CCDC144A: variants seen among roughly 807,000 people sequenced by gnomAD.
The protein encoded by CCDC144A is coiled-coil domain-containing protein 144A.
CCDC144A carries 41 observed loss-of-function variants against 143.8 expected under a neutral mutation model. The ratio of observed to expected loss-of-function variants is 0.29; its 90% CI spans 0.22 to 0.37. The LOEUF is 0.37. CCDC144A is among the 10% of genes least tolerant of loss of function. The probability of loss-of-function intolerance (pLI) is 1.00; values close to 1 mark genes in which losing one functional copy is unlikely to be tolerated. For synonymous variants in CCDC144A, 242 were observed against 517.9 expected (o/e 0.47, Z 7.23); for missense variants, 637 against 1,488.8 (o/e 0.43, Z 9.41).
rs1915960671 is a variant in CCDC144A at position 16,775,097 on chromosome 17, T to G, written c.*1464T>G. 6.6e-6 allele frequency: 1 copy of G among 152,134 alleles called. No individual in the cohort carries two copies. Among genetic ancestry groups the G allele is most frequent in the Non-Finnish European group, 1.5e-5 (1 of 68,044 alleles). The allele number at this position is 152,134 out of a possible 1,614,324, so 9.4% of individuals were successfully genotyped here. On this transcript the variant is annotated 3_prime_UTR_variant, in exon 17 of 17. Transcript: ENST00000399273. ...ATGGTGTATATGTACCACATTTTCT[T>G]TATCCAGTTTATCATTGATGGGCTT... is the stretch of plus-strand genomic sequence containing the variant.
rs548890600 is a variant in CCDC144A at position 16,722,248 on chromosome 17, TCAAA to T, written c.1891+1596_1891+1599del. Among the ~76,000 whole-genome samples the T allele has an allele frequency of 1.9e-3, 289 of 152,328 alleles. 1 individual carries two copies. Among genetic ancestry groups the T allele is most frequent in the African/African-American group, 6.5e-3 (270 of 41,586 alleles). On this transcript the variant is annotated intron_variant, in intron 8 of 16. Transcript: ENST00000399273. ...TGTGGTGAATACTTATATTTTACTG[TCAAA>T]CAAACCGTGTATTTAGGGATAAACC...
chr17:16,683,680 A>G, the CCDC144A span: 9 of 1,602,080 alleles, frequency 5.6e-6, no homozygotes, highest in Non-Finnish European at 6.8e-6. Flanking sequence ...TCAGAAGGGC[A>G]GGAAAATCAA....
chr17:16,707,397 T>C, intron 3 of CCDC144A, 72 bp from the exon 4 acceptor site: 1 of 785,518 alleles, frequency 1.3e-6, no homozygotes, highest in East Asian at 3.0e-5. Context: ...TAATTTAAAA[T>C]CTATTTTTAT....
chr17:16,706,436 T>C (rs1372257533), intron 3 of CCDC144A: 3 of 142,936 alleles, frequency 2.1e-5, no homozygotes, highest in Non-Finnish European at 4.5e-5. Context: ...TTCCCCTGTG[T>C]GCCCTTTCTC....
intron 12 of CCDC144A, among the ~76,000 whole-genome samples, chr17:16,736,529 G>T (rs1290912226): frequency 6.6e-6 from 1 of 150,820 alleles, no homozygotes; most frequent in Non-Finnish European, 1.5e-5. Context: ...TTTTTACAAA[G>T]AATTTGCTCA....
At chr17:16,740,649 A>T (rs1914215812) in intron 12 of CCDC144A, among the ~76,000 whole-genome samples, 3 of 152,122 alleles carry the variant, frequency 2.0e-5, no homozygotes, top group South Asian at 4.1e-4. Context: ...CTCAAAGGAC[A>T]CTACATTTTT....
chr17:16,700,555 CCTTT>C (rs1437268776), intron 2 of CCDC144A, among the ~76,000 whole-genome samples: 3 of 152,120 alleles, frequency 2.0e-5, no homozygotes, highest in East Asian at 3.9e-4. Context: ...TGCAAGCAAG[CCTTT>C]CTAAGGATGG....
At chr17:16,701,025 A>G (rs1189904269) in intron 2 of CCDC144A, among the ~76,000 whole-genome samples, 1 of 152,200 alleles carries the variant, frequency 6.6e-6, no homozygotes, top group African/African-American at 2.4e-5. Flanking sequence ...TAAGTATACA[A>G]TTAAAATTAA....
chr17:16,689,143 TCTTCCTTTCTTC>T (rs1166707903), upstream of CCDC144A, among the ~76,000 whole-genome samples: 2 of 152,106 alleles, frequency 1.3e-5, no homozygotes, highest in South Asian at 2.1e-4. Context: ...TTCCTTTCTT[TCTTCCTTTCTTC>T]CTTCCTTCTT....
rs779284325 is a variant in CCDC144A at position 16,752,552 on chromosome 17, A to G, written c.3373-8873A>G. On this transcript the variant is annotated intron_variant, in intron 12 of 16. Transcript: ENST00000399273. ...CTTGAATCCGGGGGGTATTGAGACC[A>G]GGTTCATGACTTTGTCTTCTGGTCT... Among the ~76,000 whole-genome samples the G allele has an allele frequency of 5.7e-3, 807 of 140,728 alleles. 5 individuals carry two copies. The highest frequency in any genetic ancestry group is 9.2e-3 in the South Asian group (36 of 3,914). The allele number at this position is 140,728 out of a possible 152,430, so 92.3% of individuals were successfully genotyped here.
chr17:16,683,477 C>T, the CCDC144A span: 4 of 1,399,322 alleles, frequency 2.9e-6, no homozygotes, highest in African/African-American at 1.4e-5. Context: ...TCGCCTTGGC[C>T]GCCTTGCCCT....
chr17:16,731,786 A>G lies in CCDC144A; in HGVS notation c.2106-14A>G. 5.7e-6 allele frequency: 1 copy of G among 175,340 alleles called. No individual in the cohort carries two copies. Among genetic ancestry groups the G allele is most frequent in the Non-Finnish European group, 1.0e-5 (1 of 99,878 alleles). The allele number at this position is 175,340 out of a possible 1,614,324, so 10.9% of individuals were successfully genotyped here. A position where few individuals can be genotyped will look rare whatever the true frequency, so the allele number is the denominator to read the frequency against. ...AACAAAACACATTTTAATGTAATCC[A>G]TGTTTAACTGCAGACTTGCCTTAAA... On this transcript the variant is annotated splice_polypyrimidine_tract_variant and intron_variant, in intron 9 of 16. Coordinates refer to ENST00000399273, the MANE Select transcript of CCDC144A (RefSeq NM_001382000.1).
At position 16,767,643 on chromosome 17, in the gene CCDC144A, A is replaced by G. The variant is rs7215888; in HGVS notation, c.4098+3468A>G. Among the ~76,000 whole-genome samples the G allele has an allele frequency of 5.6e-3, 852 of 152,348 alleles. 7 individuals carry two copies. Among genetic ancestry groups the G allele is most frequent in the African/African-American group, 0.019 (807 of 41,556 alleles). On this transcript the variant is annotated intron_variant, in intron 15 of 16. Transcript: ENST00000399273. ...TAGCACTAATATTGGATCTGTTTAT[A>G]CATCTCCTTTATTTGCAAGATTTTA...
In CCDC144A at chr17:16,776,432, T is replaced by C. The variant is rs1323167974; in HGVS notation, c.*2799T>C. 2 of 152,204 alleles carry C rather than the reference T, an allele frequency of 1.3e-5. No individual in the cohort carries two copies. Among genetic ancestry groups the C allele is most frequent in the Non-Finnish European group, 2.9e-5 (2 of 68,044 alleles). 9.4% of individuals were successfully genotyped at this position (152,204 alleles called of 1,614,324 possible). On this transcript the variant is annotated 3_prime_UTR_variant, in exon 17 of 17. Transcript: ENST00000399273. ...GGTCCTTCACTTTTCTTGTTAGCTGTATTCCTAGGTATTATACTCTTCTTG... is the reference window on the plus strand; with the variant it reads ...GGTCCTTCACTTTTCTTGTTAGCTGCATTCCTAGGTATTATACTCTTCTTG...
At chr17:16,773,329 A>C (rs925641927) in intron 16 of CCDC144A, among the ~76,000 whole-genome samples, 168 bp from the exon 17 acceptor site, 1 of 152,110 alleles carries the variant, frequency 6.6e-6, no homozygotes, top group African/African-American at 2.4e-5. Context: ...TCATGCCTGC[A>C]GTTCCAAGTA....
chr17:16,768,621 G>T (rs1469869427), intron 15 of CCDC144A, among the ~76,000 whole-genome samples: 1 of 152,060 alleles, frequency 6.6e-6, no homozygotes, highest in South Asian at 2.1e-4. Context: ...ATTAACCCTG[G>T]GATCCTTTGT....
chr17:16,746,133 C>T (rs1186278865), intron 12 of CCDC144A: 8 of 1,580,650 alleles, frequency 5.1e-6, no homozygotes, highest in Non-Finnish European at 6.0e-6. Flanking sequence ...TTCCTGCTTG[C>T]CACCTCCAGT....
the CCDC144A span, among the ~76,000 whole-genome samples, chr17:16,675,136 G>A: frequency 4.6e-5 from 7 of 151,830 alleles, no homozygotes; most frequent in African/African-American, 1.7e-4. Context: ...GGGTGTGGTG[G>A]CACGTGCCTG....
At chr17:16,717,086 C>T (rs1331963023) in intron 6 of CCDC144A, among the ~76,000 whole-genome samples, 2 of 150,066 alleles carry the variant, frequency 1.3e-5, no homozygotes, top group African/African-American at 4.9e-5. Context: ...CAGGCGTGAG[C>T]CACCGCGCTC....
Sources: allele counts gnomAD v4.1 joint callset (sites outside exome capture counted in the v4.1 genomes callset), GRCh38; gene constraint gnomAD v4.1.1; transcripts MANE v1.5; gene names NCBI Gene and HGNC (gene_info 2026-07-23, HGNC 2026-07-21).